The following CA10 variants were observed in gnomAD, a reference collection of about 807,000 sequenced individuals.
The protein encoded by CA10 is carbonic anhydrase 10 (inactive).
Under a neutral mutation model 44.2 loss-of-function variants are expected in CA10, and 14 were observed. That is an observed-to-expected ratio of 0.32 (90% CI 0.21 to 0.50). The LOEUF (loss-of-function observed/expected upper bound fraction) is 0.50. CA10 is among the 20% of genes least tolerant of loss of function. The pLI, the probability that CA10 is intolerant of heterozygous loss-of-function variation, is 0.99. For missense variants in CA10, 350 were observed against 409.7 expected, an observed-to-expected ratio of 0.85 and a Z score of 1.26; for synonymous variants, 159 against 141.6, an observed-to-expected ratio of 1.12 and a Z score of -0.87.
At chr17:52,034,481 T>C (rs890669064) in intron 2 of CA10, among the ~76,000 whole-genome samples, 2 of 152,206 alleles carry the variant, frequency 1.3e-5, no homozygotes, top group Non-Finnish European at 2.9e-5. Context: ...ACTGTGATTG[T>C]ATCTTTATTT....
intron 3 of CA10, among the ~76,000 whole-genome samples, chr17:51,899,795 A>G (rs2143928047): frequency 6.6e-6 from 1 of 152,072 alleles, no homozygotes; most frequent in Non-Finnish European, 1.5e-5. Flanking sequence ...GCCATTATAT[A>G]ATGCCCTTCT....
At chr17:51,893,777 G>A (rs2143914707) in intron 3 of CA10, among the ~76,000 whole-genome samples, 1 of 152,226 alleles carries the variant, frequency 6.6e-6, no homozygotes, top group East Asian at 1.9e-4. Flanking sequence ...AATTGACCCA[G>A]TAAACAACAT....
chr17:51,717,868 T>TATATATAC (rs1555589918), intron 4 of CA10, among the ~76,000 whole-genome samples: 2 of 105,908 alleles, frequency 1.9e-5, no homozygotes, highest in African/African-American at 7.9e-5. Context: ...TATATATATA[T>TATATATAC]ACAGGATAGA....
chr17:52,040,354 C>T (rs1442259055), intron 2 of CA10, among the ~76,000 whole-genome samples: 1 of 151,806 alleles, frequency 6.6e-6, no homozygotes, highest in Non-Finnish European at 1.5e-5. Context: ...TATTAGGACC[C>T]TCATATCCTT....
rs186554166 is a variant in CA10 at position 52,151,099 on chromosome 17, T to C, written c.61+6627A>G. On this transcript the variant is annotated intron_variant, in intron 1 of 8. Transcript: ENST00000451037. ...TCTTATTACAATCAAAGTAAAAATA[T>C]TAAGTTGCACACAAACCTGATTACG... Among the ~76,000 whole-genome samples the C allele has an allele frequency of 4.9e-3, 753 of 152,198 alleles. 3 individuals are homozygous for C. Among genetic ancestry groups the C allele is most frequent in the Middle Eastern group, 0.01 (3 of 294 alleles).
At chr17:51,811,260 A>G (rs1459436667) in intron 3 of CA10, among the ~76,000 whole-genome samples, 1 of 151,868 alleles carries the variant, frequency 6.6e-6, no homozygotes, top group Non-Finnish European at 1.5e-5. Flanking sequence ...AAAAATGACC[A>G]AACAGTCCCC....
chr17:52,158,085 C>T lies in CA10; in HGVS notation c.-299G>A. On this transcript the variant is annotated 5_prime_UTR_variant, in exon 1 of 9. Transcript: ENST00000451037. ...GTGTCTCTTCTCTTCGCACCAGCGG[C>T]GGAAACCGCACTAGCAGCGGCGGCG... 1.9e-6 allele frequency: 1 copy of T among 514,718 alleles called. No homozygotes were observed. The highest frequency in any genetic ancestry group is 3.7e-5 in the East Asian group (1 of 26,836). The allele number at this position is 514,718 out of a possible 1,614,324, so 31.9% of individuals were successfully genotyped here.
intron 3 of CA10, 130 bp from the exon 4 acceptor site, chr17:51,747,948 G>C: frequency 3.0e-6 from 2 of 661,254 alleles, no homozygotes; most frequent in Non-Finnish European, 5.2e-6. Context: ...CACATGTGGA[G>C]TAGGGCGTGG....
At chr17:52,135,327 C>T (rs1989332295) in intron 1 of CA10, among the ~76,000 whole-genome samples, 1 of 152,148 alleles carries the variant, frequency 6.6e-6, no homozygotes, top group African/African-American at 2.4e-5. Flanking sequence ...ACTGACCATG[C>T]AGTGGTTCTG....
intron 4 of CA10, among the ~76,000 whole-genome samples, chr17:51,738,295 T>C (rs1189414645): frequency 1.3e-5 from 2 of 152,172 alleles, no homozygotes; most frequent in Non-Finnish European, 2.9e-5. Flanking sequence ...TTTTGAATTG[T>C]AGAGCAGCAC....
At chr17:51,721,376 C>T (rs912485845) in intron 4 of CA10, among the ~76,000 whole-genome samples, 8 of 151,992 alleles carry the variant, frequency 5.3e-5, no homozygotes, top group Admixed American at 1.3e-4. Context: ...GACAGAATCT[C>T]GTTCTGTCAC....
intron 2 of CA10, among the ~76,000 whole-genome samples, chr17:51,985,007 T>C (rs533007740): frequency 6.6e-6 from 1 of 152,054 alleles, no homozygotes; most frequent in Non-Finnish European, 1.5e-5. Context: ...TCTCCATAAT[T>C]CATTCTATGA....
intron 3 of CA10, among the ~76,000 whole-genome samples, chr17:51,786,853 A>C (rs1041978473): frequency 3.3e-5 from 5 of 151,994 alleles, no homozygotes; most frequent in African/African-American, 9.7e-5. Flanking sequence ...CGTTCTTTCT[A>C]TACCTAGTTT....
At chr17:51,777,220 G>T (rs1342715893) in intron 3 of CA10, among the ~76,000 whole-genome samples, 1 of 152,210 alleles carries the variant, frequency 6.6e-6, no homozygotes, top group Admixed American at 6.5e-5. Flanking sequence ...CCATTGGTTT[G>T]ATTCTGGACA....
At chr17:52,084,859 G>A (rs906778049) in intron 1 of CA10, among the ~76,000 whole-genome samples, 3 of 152,182 alleles carry the variant, frequency 2.0e-5, no homozygotes, top group African/African-American at 7.2e-5. Flanking sequence ...ATGTGAATAA[G>A]TTCTGGTTAA....
At chr17:52,002,354 G>A (rs1307565372) in intron 2 of CA10, among the ~76,000 whole-genome samples, 2 of 151,902 alleles carry the variant, frequency 1.3e-5, no homozygotes, top group Non-Finnish European at 2.9e-5. Context: ...GAGGGCATGT[G>A]AGCCAAGCCT....
At chr17:51,635,238 T>G (rs1159885988) in intron 7 of CA10, among the ~76,000 whole-genome samples, 2 of 151,640 alleles carry the variant, frequency 1.3e-5, no homozygotes, top group African/African-American at 4.8e-5. Flanking sequence ...AGAGGCTGGG[T>G]GTGGTGGCTC....
At chr17:51,861,295 C>G (rs1473249778) in intron 3 of CA10, among the ~76,000 whole-genome samples, 1 of 152,086 alleles carries the variant, frequency 6.6e-6, no homozygotes, top group Non-Finnish European at 1.5e-5. Context: ...AAATCTAATT[C>G]AGTTTGCAGT....
chr17:51,847,164 A>C (rs7223942), intron 3 of CA10, among the ~76,000 whole-genome samples: 17,227 of 152,238 alleles, frequency 0.11, 1,885 homozygotes, highest in African/African-American at 0.29. Flanking sequence ...GCTGCACTGC[A>C]TCAGCCCTCT....
Sources: allele counts gnomAD v4.1 joint callset (sites outside exome capture counted in the v4.1 genomes callset), GRCh38; gene constraint gnomAD v4.1.1; transcripts MANE v1.5; gene names NCBI Gene and HGNC (gene_info 2026-07-23, HGNC 2026-07-21).